The following DIAPH3 variants were observed in gnomAD, a reference collection of about 807,000 sequenced individuals.
DIAPH3 encodes protein diaphanous homolog 3.
Under a neutral mutation model 144.3 loss-of-function variants are expected in DIAPH3, and 117 were observed. That is an observed-to-expected ratio of 0.81 (90% CI 0.70 to 0.95). The LOEUF is 0.95. Among genes scored for constraint, DIAPH3 ranks in the 40% least tolerant of loss-of-function variants. The probability of loss-of-function intolerance (pLI) is 0.00; values close to 1 mark genes in which losing one functional copy is unlikely to be tolerated. For synonymous variants in DIAPH3, 519 were observed against 488.9 expected (o/e 1.06, Z -0.81); for missense variants, 1,421 against 1,412.7 (o/e 1.01, Z -0.09).
At chr13:59,667,235 C>T (rs936711893) in intron 27 of DIAPH3, among the ~76,000 whole-genome samples, 1 of 152,182 alleles carries the variant, frequency 6.6e-6, no homozygotes, top group African/African-American at 2.4e-5. Context: ...CTATCCTTCC[C>T]CGTCATGTTT....
chr13:60,010,705 A>T (rs1381382856), intron 7 of DIAPH3, 36 bp from the exon 8 acceptor site: 1 of 1,596,562 alleles, frequency 6.3e-7, no homozygotes, highest in Admixed American at 1.7e-5. Context: ...CAAATGTTAG[A>T]AATTAGTTAG....
At chr13:60,122,788 A>G (rs2138156527) in intron 2 of DIAPH3, among the ~76,000 whole-genome samples, 1 of 152,266 alleles carries the variant, frequency 6.6e-6, no homozygotes, top group African/African-American at 2.4e-5. Context: ...GTTATTTAAT[A>G]TCATGATATA....
At chr13:59,761,999 T>C (rs983282395) in intron 27 of DIAPH3, among the ~76,000 whole-genome samples, 3 of 143,462 alleles carry the variant, frequency 2.1e-5, no homozygotes, top group African/African-American at 7.7e-5. Flanking sequence ...GTGTCCCCCA[T>C]AGCCAAAGAA....
At chr13:59,768,469 T>C (rs180846325) in intron 27 of DIAPH3, among the ~76,000 whole-genome samples, 1 of 152,240 alleles carries the variant, frequency 6.6e-6, no homozygotes, top group East Asian at 1.9e-4. Flanking sequence ...TAGTGCTCAG[T>C]AGACACCAAT....
intron 21 of DIAPH3, among the ~76,000 whole-genome samples, chr13:59,865,271 G>A (rs1291120532): frequency 6.6e-6 from 1 of 151,706 alleles, no homozygotes; most frequent in African/African-American, 2.4e-5. Context: ...AACTAAAAAG[G>A]CACATTCTAC....
In DIAPH3 at chr13:60,163,925, A is replaced by C; in HGVS notation, c.-159T>G. 1 of 924,146 alleles carries C rather than the reference A, an allele frequency of 1.1e-6. No individual in the cohort carries two copies. Among genetic ancestry groups the C allele is most frequent in the Non-Finnish European group, 1.6e-6 (1 of 637,038 alleles). 57.2% of individuals were successfully genotyped at this position (924,146 alleles called of 1,614,324 possible). On this transcript the variant is annotated 5_prime_UTR_variant, in exon 1 of 28. An upstream start codon of the reference 5' UTR is lost. Transcript: ENST00000400324. ...CTGAAGTCGGGGCCGCAGCCAACAC[A>C]TCTGAAAACTCCCGCCACCCGTGTT...
intron 27 of DIAPH3, among the ~76,000 whole-genome samples, chr13:59,726,387 T>G (rs1456719516): frequency 2.0e-5 from 3 of 152,186 alleles, no homozygotes; most frequent in African/African-American, 7.2e-5. Context: ...CCAGTTAATC[T>G]GAGTATAACA....
At chr13:59,752,367 A>ATTT (rs57731997) in intron 27 of DIAPH3, among the ~76,000 whole-genome samples, 5 of 139,492 alleles carry the variant, frequency 3.6e-5, no homozygotes, top group African/African-American at 5.3e-5. Flanking sequence ...AATGTAGTCA[A>ATTT]TTTTTTTTTT....
In DIAPH3 at chr13:59,824,913, G is replaced by A. The variant is rs549635137; in HGVS notation, c.3027+8194C>T. 7.2e-5 allele frequency among the ~76,000 whole-genome samples: 11 copies of A among 152,162 alleles called. No individual in the cohort carries two copies. In the South Asian group the frequency reaches 2.1e-3, roughly 29 times the overall value. On this transcript the variant is annotated intron_variant, in intron 24 of 27. Transcript: ENST00000400324. ...TAAAATCCCATCGGGAAATGTTCGT[G>A]TGCTCAAAAATAAGTCACAGAAATA...
intron 12 of DIAPH3, among the ~76,000 whole-genome samples, chr13:59,990,942 T>TGTAA (rs1464608031): frequency 6.6e-6 from 1 of 151,958 alleles, no homozygotes; most frequent in Admixed American, 6.6e-5. Flanking sequence ...GATGAAAGGT[T>TGTAA]GTAACCAGGA....
chr13:59,720,799 G>T (rs181746685), intron 27 of DIAPH3, among the ~76,000 whole-genome samples: 1 of 152,170 alleles, frequency 6.6e-6, no homozygotes, highest in African/African-American at 2.4e-5. Flanking sequence ...AGTTATGTAA[G>T]CTAGTAAGCA....
intron 12 of DIAPH3, among the ~76,000 whole-genome samples, chr13:59,989,612 C>A (rs1017958544): frequency 6.6e-6 from 1 of 151,806 alleles, no homozygotes; most frequent in Non-Finnish European, 1.5e-5. Context: ...CAAAAGATGG[C>A]CAAATATCTA....
intron 1 of DIAPH3, among the ~76,000 whole-genome samples, chr13:60,161,643 T>C (rs1013858103): frequency 6.6e-6 from 1 of 152,294 alleles, no homozygotes; most frequent in Non-Finnish European, 1.5e-5. Context: ...GATAAAGCAA[T>C]GAGCTTACAA....
intron 20 of DIAPH3, among the ~76,000 whole-genome samples, chr13:59,897,390 T>A (rs2046167462): frequency 6.6e-6 from 1 of 152,178 alleles, no homozygotes; most frequent in South Asian, 2.1e-4. Flanking sequence ...ACATAAAACA[T>A]GCTAAAGAAT....
At chr13:60,118,873 A>G (rs1406149476) in intron 2 of DIAPH3, among the ~76,000 whole-genome samples, 1 of 152,230 alleles carries the variant, frequency 6.6e-6, no homozygotes, top group East Asian at 1.9e-4. Context: ...CACTTTATCT[A>G]AAGTAGCACG....
At chr13:59,991,390 T>C in intron 11 of DIAPH3, 116 bp from the exon 12 acceptor site, 1 of 762,590 alleles carries the variant, frequency 1.3e-6, no homozygotes. Flanking sequence ...TCTTATATAT[T>C]CAACATAAAA....
intron 27 of DIAPH3, among the ~76,000 whole-genome samples, chr13:59,697,375 G>A (rs2033862846): frequency 7.0e-6 from 1 of 142,820 alleles, no homozygotes; most frequent in Non-Finnish European, 1.5e-5. Context: ...CAAGGGAATG[G>A]CGTGAACTCG....
intron 27 of DIAPH3, among the ~76,000 whole-genome samples, chr13:59,758,582 C>A (rs150142886): frequency 6.6e-6 from 1 of 152,102 alleles, no homozygotes; most frequent in Non-Finnish European, 1.5e-5. Flanking sequence ...TTCATCAAGC[C>A]ATATACTTAG....
At chr13:59,881,785 T>A (rs917875427) in intron 20 of DIAPH3, among the ~76,000 whole-genome samples, 1 of 152,096 alleles carries the variant, frequency 6.6e-6, no homozygotes, top group Non-Finnish European at 1.5e-5. Flanking sequence ...AAATGTAACC[T>A]AAAAACAAAG....
Sources: allele counts gnomAD v4.1 joint callset (sites outside exome capture counted in the v4.1 genomes callset), GRCh38; gene constraint gnomAD v4.1.1; transcripts MANE v1.5; gene names NCBI Gene and HGNC (gene_info 2026-07-23, HGNC 2026-07-21).